Variants in BRINP3 observed in about 807,000 individuals in gnomAD.
The protein encoded by BRINP3 is BMP/retinoic acid-inducible neural-specific protein 3.
A neutral mutation model predicts 71.0 loss-of-function variants in BRINP3; 19 were observed. The ratio of observed to expected loss-of-function variants is 0.27; its 90% CI spans 0.19 to 0.39. The LOEUF (loss-of-function observed/expected upper bound fraction) is 0.39. BRINP3 is among the 10% of genes least tolerant of loss of function. BRINP3 has a pLI of 1.00. For synonymous variants in BRINP3, 380 were observed against 337.7 expected (o/e 1.13, Z -1.37); for missense variants, 959 against 940.8 (o/e 1.02, Z -0.25).
rs151081992 is a variant in BRINP3 at position 190,446,636 on chromosome 1, T to C, written c.236+8019A>G. ...TTTAATGCTTTTAACCTATTTGTTC[T>C]GATGTTTCCATTTTGCTTTTGATAT... is the stretch of plus-strand genomic sequence containing the variant. On this transcript the variant is annotated intron_variant, in intron 2 of 7. Coordinates refer to ENST00000367462, the MANE Select transcript of BRINP3 (RefSeq NM_199051.3). Among the ~76,000 whole-genome samples the C allele has an allele frequency of 2.3e-3, 346 of 152,240 alleles. 8 individuals carry two copies. The East Asian group carries it at 0.049, about 22-fold the overall frequency.
intron 6 of BRINP3, among the ~76,000 whole-genome samples, chr1:190,185,364 T>A (rs1211938972): frequency 1.3e-5 from 2 of 152,018 alleles, no homozygotes; most frequent in Non-Finnish European, 2.9e-5. Context: ...AAGTCCCTGG[T>A]CATCAGGGAA....
At chr1:190,296,220 A>G (rs1439505260) in intron 2 of BRINP3, among the ~76,000 whole-genome samples, 1 of 133,078 alleles carries the variant, frequency 7.5e-6, no homozygotes, top group Non-Finnish European at 1.7e-5. Flanking sequence ...ATGTACCCAC[A>G]AACATTAAAA....
At chr1:190,310,078 T>C (rs576170229) in intron 2 of BRINP3, among the ~76,000 whole-genome samples, 2 of 150,248 alleles carry the variant, frequency 1.3e-5, no homozygotes, top group African/African-American at 2.5e-5. Flanking sequence ...TTAGTATATA[T>C]GGACTCACCT....
chr1:190,198,936 C>T (rs1232669789), intron 6 of BRINP3, among the ~76,000 whole-genome samples: 1 of 152,136 alleles, frequency 6.6e-6, no homozygotes, highest in Non-Finnish European at 1.5e-5. Flanking sequence ...CTGTGTTACT[C>T]TGTTACCACA....
At chr1:190,421,091 C>A (rs966419376) in intron 2 of BRINP3, among the ~76,000 whole-genome samples, 2 of 151,534 alleles carry the variant, frequency 1.3e-5, no homozygotes, top group East Asian at 3.9e-4. Flanking sequence ...AAATATTTAA[C>A]CCAATACTAA....
intron 6 of BRINP3, among the ~76,000 whole-genome samples, chr1:190,197,194 G>A (rs1465394048): frequency 6.6e-6 from 1 of 152,008 alleles, no homozygotes; most frequent in Non-Finnish European, 1.5e-5. Flanking sequence ...GATCTGATGA[G>A]ATTCAATTAC....
chr1:190,362,392 T>G (rs1669206661), intron 2 of BRINP3: 1 of 151,830 alleles, frequency 6.6e-6, no homozygotes, highest in Non-Finnish European at 1.5e-5. Context: ...AACATGTGTT[T>G]TGTAGGATAT....
chr1:190,269,490 T>C (rs1661925922), intron 3 of BRINP3, among the ~76,000 whole-genome samples: 1 of 152,046 alleles, frequency 6.6e-6, no homozygotes, highest in Non-Finnish European at 1.5e-5. Context: ...ACGGAATATT[T>C]ACAACTTATA....
intron 7 of BRINP3, among the ~76,000 whole-genome samples, chr1:190,101,985 T>A (rs1268240701): frequency 6.6e-6 from 1 of 152,172 alleles, no homozygotes; most frequent in African/African-American, 2.4e-5. Flanking sequence ...TCAGCTCTCA[T>A]GTATGAATAC....
At chr1:190,405,226 C>T (rs576923275) in intron 2 of BRINP3, among the ~76,000 whole-genome samples, 2 of 151,696 alleles carry the variant, frequency 1.3e-5, no homozygotes, top group African/African-American at 2.4e-5. Flanking sequence ...CCGAGGCGGG[C>T]GGATCACGAG....
intron 6 of BRINP3, among the ~76,000 whole-genome samples, chr1:190,202,609 T>C (rs1655103584): frequency 6.6e-6 from 1 of 152,016 alleles, no homozygotes. Flanking sequence ...CTACATGCTG[T>C]GGGAGGGACC....
intron 7 of BRINP3, among the ~76,000 whole-genome samples, chr1:190,134,444 T>C (rs1654806142): frequency 6.6e-6 from 1 of 151,890 alleles, no homozygotes; most frequent in Admixed American, 6.6e-5. Flanking sequence ...TAGAAAAAAA[T>C]AGGTTTTACA....
chr1:190,157,705 C>T (rs1656990120), intron 7 of BRINP3, among the ~76,000 whole-genome samples: 1 of 151,858 alleles, frequency 6.6e-6, no homozygotes, highest in African/African-American at 2.4e-5. Context: ...GGAATGTTCC[C>T]TGGGAGTACA....
intron 2 of BRINP3, among the ~76,000 whole-genome samples, chr1:190,307,515 T>A (rs1665201362): frequency 6.6e-6 from 1 of 151,978 alleles, no homozygotes; most frequent in Non-Finnish European, 1.5e-5. Flanking sequence ...CATGCTCTTA[T>A]TTCCATTTGT....
At chr1:190,405,658 A>T in intron 2 of BRINP3, among the ~76,000 whole-genome samples, 1 of 152,162 alleles carries the variant, frequency 6.6e-6, no homozygotes, top group Non-Finnish European at 1.5e-5. Flanking sequence ...AACGAATTCA[A>T]ACTAAAGGAA....
intron 4 of BRINP3, among the ~76,000 whole-genome samples, chr1:190,240,322 A>C (rs952453509): frequency 5.3e-5 from 8 of 152,074 alleles, no homozygotes; most frequent in Non-Finnish European, 8.8e-5. Flanking sequence ...GAGTATTTTC[A>C]AATAAATCAT....
intron 7 of BRINP3, among the ~76,000 whole-genome samples, chr1:190,111,204 A>AC (rs1312987355): frequency 2.0e-5 from 3 of 150,808 alleles, no homozygotes; most frequent in African/African-American, 7.3e-5. Context: ...AAAAAAAAAA[A>AC]AAAACTTTAG....
intron 6 of BRINP3, among the ~76,000 whole-genome samples, chr1:190,212,655 C>A (rs114134828): frequency 0.011 from 1,599 of 152,158 alleles, 24 homozygotes; most frequent in African/African-American, 0.036. Context: ...TTCTCTGTTT[C>A]CTTTCAAATT....
intron 2 of BRINP3, among the ~76,000 whole-genome samples, chr1:190,313,317 G>T (rs1173626231): frequency 2.6e-5 from 4 of 151,856 alleles, no homozygotes; most frequent in Non-Finnish European, 5.9e-5. Context: ...ATGTTAATAG[G>T]AAACATGTAA....
Sources: gnomAD v4.1 joint callset for allele counts (sites outside exome capture counted in the v4.1 genomes callset) on GRCh38, gnomAD v4.1.1 for gene constraint, MANE v1.5 for transcripts, NCBI Gene and HGNC (gene_info 2026-07-23, HGNC 2026-07-21) for gene names.